NRXN1: variants seen among roughly 807,000 people sequenced by gnomAD.
NRXN1 encodes the protein neurexin-1.
In NRXN1, 39 loss-of-function variants were observed where a neutral mutation model predicts 150.9. That is an observed-to-expected ratio of 0.26 (90% CI 0.20 to 0.34). NRXN1 has a LOEUF of 0.34. Ranked by LOEUF, NRXN1 falls within the 10% of genes least tolerant of loss-of-function variation. The probability of loss-of-function intolerance (pLI) is 1.00; values close to 1 mark genes in which losing one functional copy is unlikely to be tolerated. For synonymous variants in NRXN1, 924 were observed against 757.0 expected (o/e 1.22, Z -3.62); for missense variants, 1,815 against 1,949.9 (o/e 0.93, Z 1.30).
At chr2:49,967,744 C>A (rs965563383) in intron 21 of NRXN1, among the ~76,000 whole-genome samples, 4 of 152,014 alleles carry the variant, frequency 2.6e-5, no homozygotes, top group Non-Finnish European at 5.9e-5. Context: ...TAAAATGACA[C>A]CTTCTCTTGC....
At chr2:50,297,961 A>G (rs1023789519) in intron 17 of NRXN1, among the ~76,000 whole-genome samples, 8 of 152,188 alleles carry the variant, frequency 5.3e-5, no homozygotes, top group African/African-American at 1.9e-4. Flanking sequence ...AAATAGTCCA[A>G]TGTGGCTCAG....
chr2:50,161,062 T>C (rs1000587612), intron 18 of NRXN1, among the ~76,000 whole-genome samples: 87 of 152,278 alleles, frequency 5.7e-4, no homozygotes, highest in Admixed American at 3.7e-3. Context: ...ATTTGATATT[T>C]CTGTTTTCAA....
chr2:50,940,225 C>A (rs1467104767), intron 2 of NRXN1, among the ~76,000 whole-genome samples: 1 of 151,884 alleles, frequency 6.6e-6, no homozygotes, highest in Non-Finnish European at 1.5e-5. Context: ...CATCTGTAAT[C>A]CCAGCACTTT....
chr2:50,955,515 A>G (rs1692139558), intron 2 of NRXN1, among the ~76,000 whole-genome samples: 1 of 152,252 alleles, frequency 6.6e-6, no homozygotes, highest in Non-Finnish European at 1.5e-5. Context: ...TTTTATTAGT[A>G]AACCACATAT....
intron 17 of NRXN1, among the ~76,000 whole-genome samples, chr2:50,420,398 TACACACACAC>T (rs137996743): frequency 1.3e-5 from 2 of 149,444 alleles, no homozygotes; most frequent in African/African-American, 4.9e-5. Context: ...TACATACATG[TACACACACAC>T]ACACACATAC....
chr2:50,863,535 A>G (rs1676441940), intron 5 of NRXN1, among the ~76,000 whole-genome samples: 1 of 151,910 alleles, frequency 6.6e-6, no homozygotes, highest in African/African-American at 2.4e-5. Context: ...TTCACACCCC[A>G]TAGCTTCACC....
intron 18 of NRXN1, among the ~76,000 whole-genome samples, chr2:50,180,813 C>T (rs1039306851): frequency 3.3e-5 from 5 of 152,208 alleles, no homozygotes; most frequent in Admixed American, 2.0e-4. Flanking sequence ...GGACTAGAGA[C>T]ATCTCCTTTT....
chr2:50,783,795 G>A (rs1461542686), intron 5 of NRXN1, among the ~76,000 whole-genome samples: 2 of 152,078 alleles, frequency 1.3e-5, no homozygotes, highest in African/African-American at 4.8e-5. Context: ...GTCCCCCAAA[G>A]GCATATCCAT....
rs1312680911 is a variant in NRXN1 at position 50,068,931 on chromosome 2, C to T, written c.3719-13887G>A. On this transcript the variant is annotated intron_variant, in intron 19 of 22. Transcript: ENST00000401669. Reference sequence around the variant, plus strand: ...TTTATCAAAATCACTGCACTTTCTCCCAAGCAATGTCATCTTTATTCTCAG... The same window carrying T: ...TTTATCAAAATCACTGCACTTTCTCTCAAGCAATGTCATCTTTATTCTCAG... Among the ~76,000 whole-genome samples, 7 of 152,108 alleles carry T rather than the reference C, an allele frequency of 4.6e-5. No homozygotes were observed. The East Asian group carries it at 5.8e-4, about 13-fold the overall frequency.
intron 15 of NRXN1, among the ~76,000 whole-genome samples, chr2:50,473,141 T>C (rs2089679263): frequency 6.6e-6 from 1 of 151,942 alleles, no homozygotes; most frequent in African/African-American, 2.4e-5. Context: ...ATTCACATAA[T>C]AGTCTGTACA....
At chr2:50,794,160 C>T (rs952316628) in intron 5 of NRXN1, among the ~76,000 whole-genome samples, 2 of 152,040 alleles carry the variant, frequency 1.3e-5, no homozygotes, top group Non-Finnish European at 2.9e-5. Flanking sequence ...AACCCTTTTT[C>T]ATAGGCATTT....
chr2:51,021,334 C>T (rs1001571630), intron 2 of NRXN1, among the ~76,000 whole-genome samples: 1 of 151,974 alleles, frequency 6.6e-6, no homozygotes, highest in Middle Eastern at 3.4e-3. Context: ...AATTCTGCAA[C>T]CAGTGTAGCT....
At chr2:50,490,573 C>G (rs1201706576) in intron 15 of NRXN1, among the ~76,000 whole-genome samples, 1 of 152,120 alleles carries the variant, frequency 6.6e-6, no homozygotes, top group Non-Finnish European at 1.5e-5. Flanking sequence ...AGTGAATGGA[C>G]AGAAGTGGAA....
chr2:49,967,520 C>T (rs1175826219), intron 21 of NRXN1, among the ~76,000 whole-genome samples: 1 of 152,020 alleles, frequency 6.6e-6, no homozygotes, highest in Middle Eastern at 3.2e-3. Context: ...ATGCATTATC[C>T]TTGTTTGAAT....
intron 5 of NRXN1, among the ~76,000 whole-genome samples, chr2:50,644,200 T>C (rs986743525): frequency 1.3e-5 from 2 of 151,788 alleles, no homozygotes; most frequent in African/African-American, 2.4e-5. Flanking sequence ...TAACTTGATA[T>C]ATGTAATTAT....
chr2:50,842,982 A>C (rs1428577910), intron 5 of NRXN1, among the ~76,000 whole-genome samples: 1 of 152,206 alleles, frequency 6.6e-6, no homozygotes, highest in African/African-American at 2.4e-5. Context: ...GGTATTTAAT[A>C]AGAGAGAATC....
chr2:50,796,921 G>C (rs563565138), intron 5 of NRXN1, among the ~76,000 whole-genome samples: 1 of 152,246 alleles, frequency 6.6e-6, no homozygotes, highest in African/African-American at 2.4e-5. Context: ...TTTGGGGTCT[G>C]GTAAGAGTCC....
At chr2:49,988,024 T>C (rs1381821560) in intron 21 of NRXN1, among the ~76,000 whole-genome samples, 1 of 152,118 alleles carries the variant, frequency 6.6e-6, no homozygotes, top group African/African-American at 2.4e-5. Context: ...ATATTACTTT[T>C]ATGTGTTCTA....
intron 5 of NRXN1, among the ~76,000 whole-genome samples, chr2:50,775,744 G>A (rs1406391018): frequency 6.6e-6 from 1 of 152,098 alleles, no homozygotes; most frequent in African/African-American, 2.4e-5. Context: ...TTCATCCACA[G>A]AAAGACCTTT....
Sources: allele counts gnomAD v4.1 joint callset (sites outside exome capture counted in the v4.1 genomes callset), GRCh38; gene constraint gnomAD v4.1.1; transcripts MANE v1.5; gene names NCBI Gene and HGNC (gene_info 2026-07-23, HGNC 2026-07-21).